IRAK2: variants seen among roughly 807,000 people sequenced by gnomAD.
The protein encoded by IRAK2 is interleukin-1 receptor-associated kinase-like 2.
Under a neutral mutation model 72.0 loss-of-function variants are expected in IRAK2, and 57 were observed. The observed-to-expected ratio is 0.79, with a 90% confidence interval of 0.64 to 0.99. The LOEUF (loss-of-function observed/expected upper bound fraction) is 0.99. IRAK2 is among the 50% of genes least tolerant of loss of function. IRAK2 has a pLI of 0.00. For missense variants in IRAK2, 790 were observed against 794.4 expected, an observed-to-expected ratio of 0.99 and a Z score of 0.07; for synonymous variants, 293 against 312.7, an observed-to-expected ratio of 0.94 and a Z score of 0.67.
At chr3:10,169,703 A>T (rs1696765366) in intron 1 of IRAK2, among the ~76,000 whole-genome samples, 1 of 152,194 alleles carries the variant, frequency 6.6e-6, no homozygotes, top group Non-Finnish European at 1.5e-5. Context: ...ATCAGATTTC[A>T]TATTTTTCAA....
intron 2 of IRAK2, among the ~76,000 whole-genome samples, chr3:10,192,825 A>G (rs530128973): frequency 6.6e-6 from 1 of 152,328 alleles, no homozygotes; most frequent in South Asian, 2.1e-4. Context: ...AGGGTGAGGT[A>G]GGACAATCGC....
rs753744558 is a variant in IRAK2, at chr3:10,177,942, C to T, written c.199C>T (p.Arg67Trp). The T allele has an allele frequency of 4.8e-5, 77 of 1,613,532 alleles. No homozygotes were observed. Among genetic ancestry groups the T allele is most frequent in the Non-Finnish European group, 5.4e-5 (64 of 1,179,994 alleles). The change falls in exon 2 of 13, where the codon CGG (arginine) becomes TGG (tryptophan). Residue 67 changes from arginine to tryptophan, a missense_variant. Arg to Trp is a moderately radical substitution (Grantham distance 101). Coordinates refer to ENST00000256458, the MANE Select transcript of IRAK2 (RefSeq NM_001570.4). ...TRELLWWWGM[R>W]QATVQQLVDL... ...GGAGCTGCTGTGGTGGTGGGGCATGCGGCAGGCCACCGTCCAGCAACTTGT... is the reference window on the plus strand; with the variant it reads ...GGAGCTGCTGTGGTGGTGGGGCATGTGGCAGGCCACCGTCCAGCAACTTGT...
chr3:10,228,936 ATT>A (rs35822142), intron 10 of IRAK2, among the ~76,000 whole-genome samples: 1 of 144,494 alleles, frequency 6.9e-6, no homozygotes. Flanking sequence ...TTGTAGTGGC[ATT>A]TTTTTTTTTT....
At chr3:10,223,630 T>A (rs1334928088) in intron 9 of IRAK2, among the ~76,000 whole-genome samples, 1 of 152,256 alleles carries the variant, frequency 6.6e-6, no homozygotes, top group Non-Finnish European at 1.5e-5. Context: ...ATCTGGTACT[T>A]GTGAATTCAC....
At chr3:10,172,238 G>A (rs1696805383) in intron 1 of IRAK2, among the ~76,000 whole-genome samples, 2 of 151,534 alleles carry the variant, frequency 1.3e-5, no homozygotes, top group South Asian at 4.2e-4. Flanking sequence ...ATGGTGGCAG[G>A]CGCCTGTAGT....
At chr3:10,225,671 C>A (rs755444191) in intron 9 of IRAK2, among the ~76,000 whole-genome samples, 1 of 151,866 alleles carries the variant, frequency 6.6e-6, no homozygotes, top group Non-Finnish European at 1.5e-5. Flanking sequence ...CAGAGCAATG[C>A]CTGCTTGCCA....
At chr3:10,223,972 C>T (rs1473093688) in intron 9 of IRAK2, among the ~76,000 whole-genome samples, 2 of 152,226 alleles carry the variant, frequency 1.3e-5, no homozygotes, top group Admixed American at 6.5e-5. Context: ...GTTCCTCTGC[C>T]TCCCTCAGCC....
At chr3:10,194,187 T>G (rs550091774) in intron 2 of IRAK2, among the ~76,000 whole-genome samples, 1 of 152,288 alleles carries the variant, frequency 6.6e-6, no homozygotes, top group African/African-American at 2.4e-5. Context: ...CTCAGAGGGT[T>G]AGGAGGTCTG....
intron 1 of IRAK2, among the ~76,000 whole-genome samples, chr3:10,176,367 C>T (rs1463692329): frequency 1.3e-5 from 2 of 152,132 alleles, no homozygotes; most frequent in African/African-American, 2.4e-5. Context: ...GTGACATCAT[C>T]GTGGCTTGCT....
intron 1 of IRAK2, among the ~76,000 whole-genome samples, chr3:10,177,553 C>T (rs1395904156): frequency 2.0e-5 from 3 of 152,184 alleles, no homozygotes; most frequent in Non-Finnish European, 4.4e-5. Flanking sequence ...CTCCCACGGG[C>T]GCAGTGACTG....
Position 10,220,982 on chromosome 3 carries a change from G to A in IRAK2, c.1013+1193G>A, listed in dbSNP as rs113085498. ...TAAACATTTCGCTACATTGTATACC[G>A]TCATGTTTTTTAGTGTCTTAGTCTT... On this transcript the variant is annotated intron_variant, in intron 8 of 12. Coordinates refer to ENST00000256458, the MANE Select transcript of IRAK2 (RefSeq NM_001570.4). Among the ~76,000 whole-genome samples the A allele has an allele frequency of 1.8e-3, 273 of 151,936 alleles. 1 individual carries two copies. The highest frequency in any genetic ancestry group is 6.1e-3 in the African/African-American group (254 of 41,396).
intron 3 of IRAK2, among the ~76,000 whole-genome samples, chr3:10,202,689 CTTTTTTTTTTT>C (rs374939802): frequency 3.1e-5 from 3 of 98,068 alleles, no homozygotes; most frequent in African/African-American, 1.2e-4. Flanking sequence ...ACTTTCTTTC[CTTTTTTTTTTT>C]TTTTTTTTTT....
intron 11 of IRAK2, among the ~76,000 whole-genome samples, chr3:10,234,992 G>A (rs1437970780): frequency 6.6e-6 from 1 of 152,228 alleles, no homozygotes; most frequent in East Asian, 1.9e-4. Flanking sequence ...TCTGCCCGCA[G>A]TTTATAACAG....
intron 6 of IRAK2, among the ~76,000 whole-genome samples, chr3:10,216,229 C>T (rs9843932): frequency 1.9e-3 from 292 of 152,174 alleles, no homozygotes; most frequent in African/African-American, 6.8e-3. Context: ...TTCTAGGAAA[C>T]TGGGTGGGTG....
chr3:10,234,652 T>C lies in IRAK2; in HGVS notation c.1466T>C (p.Leu489Pro), dbSNP rs371760382. The change falls in exon 11 of 13, where the codon CTG (leucine) becomes CCG (proline). Residue 489 changes from leucine to proline, a missense_variant. Transcript: ENST00000256458. ...TGCCTGCGGAGGCGTAACACCAGCC[T>C]GCAGGAGGTGAGCCTCGCCCGCAGC... ...CLCLRRRNTSLQEVCGSVAAV... is the reference protein window; with the variant it reads ...CLCLRRRNTSPQEVCGSVAAV... 2 of 1,612,136 alleles carry C rather than the reference T, an allele frequency of 1.2e-6. No homozygotes were observed. The highest frequency in any genetic ancestry group is 1.1e-5 in the South Asian group (1 of 91,034).
At chr3:10,205,210 G>A (rs1697417164) in intron 3 of IRAK2, among the ~76,000 whole-genome samples, 1 of 152,054 alleles carries the variant, frequency 6.6e-6, no homozygotes, top group Non-Finnish European at 1.5e-5. Context: ...ACATACAGTG[G>A]GGGCCTTTAA....
In IRAK2 at chr3:10,196,916, G is replaced by A. The variant is rs188472457; in HGVS notation, c.278-3453G>A. On this transcript the variant is annotated intron_variant, in intron 2 of 12. Transcript: ENST00000256458. The stretch of plus-strand genomic sequence containing the variant: ...CTCACTGGAGCCAGAGGGGTCCCCA[G>A]GGCAAACGCTACTCACACTAGCTTG... Among the ~76,000 whole-genome samples the A allele has an allele frequency of 2.0e-5, 3 of 152,258 alleles. No homozygotes were observed. In the East Asian group the frequency reaches 5.8e-4, roughly 29 times the overall value.
At chr3:10,204,862 G>T (rs907832541) in intron 3 of IRAK2, among the ~76,000 whole-genome samples, 1 of 152,112 alleles carries the variant, frequency 6.6e-6, no homozygotes, top group Non-Finnish European at 1.5e-5. Flanking sequence ...CACTTGATCT[G>T]ACCTCTGATT....
At chr3:10,174,220 G>A (rs533135139) in intron 1 of IRAK2, among the ~76,000 whole-genome samples, 1 of 152,278 alleles carries the variant, frequency 6.6e-6, no homozygotes, top group Non-Finnish European at 1.5e-5. Context: ...TCTGGCCTGG[G>A]GTTTCCAGTG....
Sources: gnomAD v4.1 joint callset for allele counts (sites outside exome capture counted in the v4.1 genomes callset) on GRCh38, gnomAD v4.1.1 for gene constraint, MANE v1.5 for transcripts, NCBI Gene and HGNC (gene_info 2026-07-23, HGNC 2026-07-21) for gene names.